The following NAA50 variants were observed in gnomAD, a reference collection of about 807,000 sequenced individuals.
NAA50 encodes the protein N-alpha-acetyltransferase 50, NatE catalytic subunit, also known as N-alpha-acetyltransferase 50.
Under a neutral mutation model 20.7 loss-of-function variants are expected in NAA50, and 7 were observed. The observed-to-expected ratio is 0.34, with a 90% CI of 0.19 to 0.63. NAA50 has a LOEUF of 0.63. NAA50 is among the 30% of genes least tolerant of loss of function. The probability of loss-of-function intolerance (pLI) is 0.75; values close to 1 mark genes in which losing one functional copy is unlikely to be tolerated. For missense variants in NAA50, 111 were observed against 199.1 expected, an observed-to-expected ratio of 0.56 and a Z score of 2.66; for synonymous variants, 54 against 70.6, an observed-to-expected ratio of 0.77 and a Z score of 1.18.
intron 1 of NAA50, among the ~76,000 whole-genome samples, chr3:113,742,721 C>T (rs1708435267): frequency 6.6e-6 from 1 of 152,094 alleles, no homozygotes; most frequent in Non-Finnish European, 1.5e-5. Flanking sequence ...CTTTACTATT[C>T]CAATTAGTAG....
At chr3:113,730,522 T>C (rs898661356) in intron 1 of NAA50, among the ~76,000 whole-genome samples, 2 of 152,156 alleles carry the variant, frequency 1.3e-5, no homozygotes, top group Non-Finnish European at 2.9e-5. Flanking sequence ...AGTTCTGAGT[T>C]TTTACAAATA....
chr3:113,730,987 G>C (rs1708264817), intron 1 of NAA50, among the ~76,000 whole-genome samples: 1 of 152,146 alleles, frequency 6.6e-6, no homozygotes, highest in Non-Finnish European at 1.5e-5. Context: ...CTACTGTTCT[G>C]AATCTTCATC....
intron 1 of NAA50, chr3:113,724,736 T>C (rs1180202200): frequency 2.0e-5 from 3 of 152,174 alleles, no homozygotes; most frequent in Non-Finnish European, 2.9e-5. Flanking sequence ...CATCTTGTAG[T>C]TCCCATAATT....
intron 1 of NAA50, among the ~76,000 whole-genome samples, chr3:113,729,089 A>T (rs571544977): frequency 6.6e-6 from 1 of 151,570 alleles, no homozygotes; most frequent in Non-Finnish European, 1.5e-5. Context: ...GGGTTCAAGC[A>T]ATCCTCCTGC....
At chr3:113,722,129 A>G (rs1708143360) in intron 4 of NAA50, among the ~76,000 whole-genome samples, 192 bp from the exon 5 acceptor site, 1 of 152,196 alleles carries the variant, frequency 6.6e-6, no homozygotes, top group African/African-American at 2.4e-5. Flanking sequence ...TTACATTTGT[A>G]AGACAGCTGG....
chr3:113,728,568 T>C (rs534615690), intron 1 of NAA50, among the ~76,000 whole-genome samples: 1 of 152,354 alleles, frequency 6.6e-6, no homozygotes, highest in Admixed American at 6.5e-5. Flanking sequence ...AATCAGTCAG[T>C]TTGATATGGC....
chr3:113,736,726 A>G (rs1488136244), intron 1 of NAA50, among the ~76,000 whole-genome samples: 1 of 152,192 alleles, frequency 6.6e-6, no homozygotes, highest in African/African-American at 2.4e-5. Context: ...TGGTTTCACT[A>G]TATTGCCCAG....
intron 1 of NAA50, among the ~76,000 whole-genome samples, chr3:113,736,902 T>C (rs1172708720): frequency 6.6e-6 from 1 of 152,188 alleles, no homozygotes; most frequent in East Asian, 1.9e-4. Flanking sequence ...TTTATACTTT[T>C]AGTGAGTATT....
chr3:113,723,027 T>C, intron 3 of NAA50, 55 bp from the exon 4 acceptor site: 2 of 1,470,920 alleles, frequency 1.4e-6, no homozygotes, highest in Non-Finnish European at 1.8e-6. Context: ...CTTTAAATTA[T>C]GTATCTATCC....
intron 1 of NAA50, among the ~76,000 whole-genome samples, chr3:113,729,697 C>A (rs941334456): frequency 1.1e-4 from 16 of 151,908 alleles, no homozygotes; most frequent in Non-Finnish European, 1.6e-4. Flanking sequence ...TGCATGCCAC[C>A]ACTTTCAGCT....
At chr3:113,733,539 T>C (rs565580309) in intron 1 of NAA50, among the ~76,000 whole-genome samples, 26 of 152,144 alleles carry the variant, frequency 1.7e-4, no homozygotes, top group African/African-American at 6.0e-4. Context: ...AAAATCCTTC[T>C]CTGTTAAAGA....
At position 113,746,210 on chromosome 3, in the gene NAA50, G is replaced by C. The variant is rs1708500235; in HGVS notation, c.-261C>G. On this transcript the variant is annotated 5_prime_UTR_variant, in exon 1 of 5. Transcript: ENST00000240922. ...TCGGGTCTCTCGGCTCCCTCCCGCCGCTGCCGCCAGCCAGACCCGCTGCCG... is the reference window on the plus strand; with the variant it reads ...TCGGGTCTCTCGGCTCCCTCCCGCCCCTGCCGCCAGCCAGACCCGCTGCCG... 1 of 497,886 alleles carries C rather than the reference G, an allele frequency of 2.0e-6. No individual in the cohort carries two copies. Among genetic ancestry groups the C allele is most frequent in the Non-Finnish European group, 3.5e-6 (1 of 283,220 alleles). The allele number at this position is 497,886 out of a possible 1,614,324, so 30.8% of individuals were successfully genotyped here. A position where few individuals can be genotyped will look rare whatever the true frequency, so the allele number is the denominator to read the frequency against.
intron 3 of NAA50, 40 bp downstream of exon 3, chr3:113,723,382 T>C: frequency 1.9e-6 from 3 of 1,574,042 alleles, no homozygotes; most frequent in Non-Finnish European, 2.6e-6. Flanking sequence ...ATAATATGTT[T>C]ATGCTTCTCT....
rs1324373062 is a variant in NAA50 at position 113,718,408 on chromosome 3, TTTG to T, written c.*3349_*3351del. ...CCAGAACTGTGGAAGGTAATACTTGTTTGTTGTTTTAAACTACAGTAATAACTG... is the reference window on the plus strand; with the variant it reads ...CCAGAACTGTGGAAGGTAATACTTGTTTGTTTTAAACTACAGTAATAACTG... On this transcript the variant is annotated 3_prime_UTR_variant, in exon 5 of 5. Coordinates refer to ENST00000240922, the MANE Select transcript of NAA50 (RefSeq NM_025146.4). 1.3e-5 allele frequency: 2 copies of T among 152,152 alleles called. No homozygotes were observed. The highest frequency in any genetic ancestry group is 6.5e-5 in the Admixed American group (1 of 15,278). The allele number at this position is 152,152 out of a possible 1,614,324, so 9.4% of individuals were successfully genotyped here. A position where few individuals can be genotyped will look rare whatever the true frequency, so the allele number is the denominator to read the frequency against.
Position 113,723,551 on chromosome 3 carries a change from A to C in NAA50, c.146-10T>G, listed in dbSNP as rs781225512. 6.3e-7 allele frequency: 1 copy of C among 1,598,858 alleles called. No homozygotes were observed. On this transcript the variant is annotated splice_polypyrimidine_tract_variant and intron_variant, in intron 2 of 4. Coordinates refer to ENST00000240922, the MANE Select transcript of NAA50 (RefSeq NM_025146.4). ...ATATCATTGAAATAGGCTGCCAAGG[A>C]AAACATAAAGATATAATGTTGAACA...
chr3:113,723,217 A>C (rs1224443596), intron 3 of NAA50, among the ~76,000 whole-genome samples: 3 of 152,186 alleles, frequency 2.0e-5, no homozygotes, highest in Non-Finnish European at 4.4e-5. Context: ...AAAAAGCAGA[A>C]GGGGACGTAA....
intron 1 of NAA50, chr3:113,741,027 T>G (rs1248123440): frequency 1.9e-5 from 9 of 483,062 alleles, no homozygotes; most frequent in Non-Finnish European, 3.7e-5. Flanking sequence ...GTTACTTTTC[T>G]AATCCCTTCT....
At chr3:113,737,815 C>G (rs940334739) in intron 1 of NAA50, among the ~76,000 whole-genome samples, 1 of 152,060 alleles carries the variant, frequency 6.6e-6, no homozygotes, top group African/African-American at 2.4e-5. Context: ...GTTAGGACAA[C>G]CAAAAGTGTC....
rs1229323041 is a variant in NAA50, at chr3:113,727,965, A to T, written c.9-3870T>A. On this transcript the variant is annotated intron_variant, in intron 1 of 4. Transcript: ENST00000240922. ...ACATGATATGTCTGACTGAAATGGA[A>T]TACTTCTGTAATCCTGATCACTTAG... is the stretch of plus-strand genomic sequence containing the variant. Among the ~76,000 whole-genome samples the T allele has an allele frequency of 2.0e-5, 3 of 152,162 alleles. No homozygotes were observed. In the East Asian group the frequency reaches 5.8e-4, roughly 29 times the overall value.
Sources: gnomAD v4.1 joint callset for allele counts (sites outside exome capture counted in the v4.1 genomes callset) on GRCh38, gnomAD v4.1.1 for gene constraint, MANE v1.5 for transcripts, NCBI Gene and HGNC (gene_info 2026-07-23, HGNC 2026-07-21) for gene names.